Variants in UGT1A10 observed in about 807,000 individuals in gnomAD.
UGT1A10 encodes the protein UDP glucuronosyltransferase family 1 member A10, also known as UDP-glucuronosyltransferase 1A10.
In UGT1A10, 49 loss-of-function variants were observed where a neutral mutation model predicts 45.8. That is an observed-to-expected ratio of 1.07 (90% CI 0.85 to 1.36). UGT1A10 has a LOEUF of 1.36. UGT1A10 is among the 40% of genes most tolerant of loss of function. The probability of loss-of-function intolerance (pLI) is 0.00; values close to 1 mark genes in which losing one functional copy is unlikely to be tolerated. For synonymous variants in UGT1A10, 284 were observed against 249.7 expected (o/e 1.14, Z -1.29); for missense variants, 745 against 668.6 (o/e 1.11, Z -1.26).
In UGT1A10 at chr2:233,772,254, G is replaced by A. The variant is rs1700495336; in HGVS notation, c.1296-8G>A. 1 of 1,614,242 alleles carries A rather than the reference G, an allele frequency of 6.2e-7. No homozygotes were observed. The highest frequency in any genetic ancestry group is 8.5e-7 in the Non-Finnish European group (1 of 1,180,046). On this transcript the variant is annotated splice_polypyrimidine_tract_variant and splice_region_variant and intron_variant, in intron 4 of 4. Transcript: ENST00000344644. The stretch of plus-strand genomic sequence containing the variant: ...TTCCAGGCATAACGAAACTGTCTTT[G>A]TGTTTAGTTACAAGGAGAACATCAT...
intron 1 of UGT1A10, among the ~76,000 whole-genome samples, chr2:233,666,350 T>A (rs1331329553): frequency 6.6e-6 from 1 of 152,222 alleles, no homozygotes; most frequent in East Asian, 1.9e-4. Context: ...ATAATTCAGC[T>A]ATATCATTTG....
chr2:233,729,850 G>A (rs916795505), intron 1 of UGT1A10: 7 of 1,613,752 alleles, frequency 4.3e-6, no homozygotes, highest in African/African-American at 1.3e-5. Context: ...TTTTCAGAGA[G>A]AGGTGTCAGT....
chr2:233,719,509 C>T (rs372293131), intron 1 of UGT1A10: 20 of 1,613,850 alleles, frequency 1.2e-5, no homozygotes, highest in Non-Finnish European at 1.7e-5. Context: ...TTTTCTGCCC[C>T]TTATGCAAGT....
intron 1 of UGT1A10, among the ~76,000 whole-genome samples, chr2:233,731,635 T>C (rs2078185230): frequency 6.6e-6 from 1 of 152,238 alleles, no homozygotes; most frequent in Non-Finnish European, 1.5e-5. Flanking sequence ...TATGGCTGCA[T>C]AGTATTCCAT....
intron 1 of UGT1A10, chr2:233,718,646 T>C (rs896196849): frequency 1.0e-5 from 15 of 1,495,846 alleles, no homozygotes; most frequent in African/African-American, 1.4e-5. Flanking sequence ...GTTGGGCCCA[T>C]AACGAAAGGC....
chr2:233,709,267 C>T (rs1411787626), intron 1 of UGT1A10, among the ~76,000 whole-genome samples: 6 of 152,090 alleles, frequency 3.9e-5, no homozygotes, highest in Admixed American at 2.6e-4. Context: ...AACTTGTCCA[C>T]GCTGTGAATT....
chr2:233,662,879 T>A (rs2074003668), intron 1 of UGT1A10, among the ~76,000 whole-genome samples: 5 of 152,066 alleles, frequency 3.3e-5, no homozygotes, highest in Admixed American at 2.0e-4. Context: ...TCTGTAACTA[T>A]TAAGATTGCT....
chr2:233,757,895 TC>T (rs374634919), intron 1 of UGT1A10, among the ~76,000 whole-genome samples: 2 of 152,016 alleles, frequency 1.3e-5, no homozygotes, highest in Non-Finnish European at 2.9e-5. Context: ...AGAAACACTT[TC>T]CATGGACGTG....
intron 1 of UGT1A10, chr2:233,691,061 T>C: frequency 1.0e-6 from 1 of 986,864 alleles, no homozygotes; most frequent in Non-Finnish European, 1.2e-6. Flanking sequence ...GGAGGTCTAG[T>C]ATAAAGAATG....
chr2:233,768,263 T>C lies in UGT1A10; in HGVS notation c.1119T>C (p.His373=), dbSNP rs1699595501. The C allele has an allele frequency of 2.5e-6, 4 of 1,614,154 alleles. No individual in the cohort carries two copies. Among genetic ancestry groups the C allele is most frequent in the Non-Finnish European group, 3.4e-6 (4 of 1,180,014 alleles). ...CCTTTATCACCCATGCTGGTTCCCA[T>C]GGTGTTTATGAAAGCATATGCAATG... The part of the protein sequence containing the change: ...TRAFITHAGS[H]GVYESICNGV... Residue 373 remains histidine (H), a synonymous_variant, in exon 4 of 5, where the codon CAT becomes CAC. Coordinates refer to ENST00000344644, the MANE Select transcript of UGT1A10 (RefSeq NM_019075.4).
intron 1 of UGT1A10, among the ~76,000 whole-genome samples, chr2:233,703,977 G>A (rs139887897): frequency 2.6e-5 from 4 of 151,538 alleles, no homozygotes; most frequent in African/African-American, 4.9e-5. Flanking sequence ...TGCAACCTCC[G>A]CCTCCTGGGT....
At position 233,746,718 on chromosome 2, in the gene UGT1A10, T is replaced by A. The variant is rs1161016418; in HGVS notation, c.856-20316T>A. The stretch of plus-strand genomic sequence containing the variant: ...ATAAATATTTGGTGGATAAGGGAAT[T>A]AGCAATGGATTCTGCTTTGGTTCCA... On this transcript the variant is annotated intron_variant, in intron 1 of 4. Transcript: ENST00000344644. Among the ~76,000 whole-genome samples, 3 of 151,822 alleles carry A rather than the reference T, an allele frequency of 2.0e-5. 1 individual carries two copies. Among genetic ancestry groups the A allele is most frequent in the African/African-American group, 7.3e-5 (3 of 41,076 alleles).
intron 1 of UGT1A10, among the ~76,000 whole-genome samples, chr2:233,737,472 C>A (rs1374146427): frequency 6.6e-6 from 1 of 152,196 alleles, no homozygotes; most frequent in Non-Finnish European, 1.5e-5. Flanking sequence ...CATGGCTCCC[C>A]TTGTCTAGGA....
chr2:233,752,739 T>C (rs1241633720), intron 1 of UGT1A10, among the ~76,000 whole-genome samples: 1 of 152,224 alleles, frequency 6.6e-6, no homozygotes, highest in East Asian at 1.9e-4. Context: ...AGAGAGACCC[T>C]GTCTCTAAAA....
intron 1 of UGT1A10, chr2:233,647,820 C>A (rs2073641518): frequency 2.3e-6 from 2 of 885,112 alleles, no homozygotes; most frequent in East Asian, 2.8e-5. Flanking sequence ...AATTGATTTG[C>A]CCCAAAAGCT....
rs574418679 is a variant in UGT1A10 at position 233,719,623 on chromosome 2, C to T, written c.856-47411C>T. 4.0e-5 allele frequency: 64 copies of T among 1,614,006 alleles called. No individual in the cohort carries two copies. The highest frequency in any genetic ancestry group is 2.3e-4 in the African/African-American group (17 of 75,004). On this transcript the variant is annotated intron_variant, in intron 1 of 4. Transcript: ENST00000344644. ...GACTTTGTGATGGACTACCCCAGGC[C>T]GATCATGCCCAACATGGTCTTCATT...
chr2:233,729,222 G>A (rs778525530), intron 1 of UGT1A10: 3 of 1,614,150 alleles, frequency 1.9e-6, no homozygotes, highest in Middle Eastern at 1.7e-4. Flanking sequence ...GAAAGGTGTT[G>A]GTGGTGCCCA....
At chr2:233,641,176 A>G (rs972335711) in intron 1 of UGT1A10, among the ~76,000 whole-genome samples, 9 of 152,108 alleles carry the variant, frequency 5.9e-5, no homozygotes, top group African/African-American at 2.2e-4. Flanking sequence ...ATCTTGCAAC[A>G]TATTTTCCTA....
intron 1 of UGT1A10, chr2:233,671,995 G>T (rs1222242952): frequency 6.2e-7 from 1 of 1,614,126 alleles, no homozygotes; most frequent in Non-Finnish European, 8.5e-7. Flanking sequence ...GCTGACCTGT[G>T]GCTTTGCCGA....
Sources: allele counts gnomAD v4.1 joint callset (sites outside exome capture counted in the v4.1 genomes callset), GRCh38; gene constraint gnomAD v4.1.1; transcripts MANE v1.5; gene names NCBI Gene and HGNC (gene_info 2026-07-23, HGNC 2026-07-21).